Variants in SRBD1 observed in about 807,000 individuals in gnomAD.
SRBD1 encodes S1 RNA-binding domain-containing protein 1.
A neutral mutation model predicts 115.3 loss-of-function variants in SRBD1; 88 were observed. The ratio of observed to expected loss-of-function variants is 0.76; its 90% CI spans 0.64 to 0.91. The LOEUF (loss-of-function observed/expected upper bound fraction) is 0.91, where lower values mean the gene tolerates loss of function less well. Ranked by LOEUF, SRBD1 falls within the 40% of genes least tolerant of loss-of-function variation. The pLI is 0.00. For missense variants in SRBD1, 1,385 were observed against 1,177.4 expected (o/e 1.18, Z -2.58); for synonymous variants, 509 against 407.7 (o/e 1.25, Z -2.99).
chr2:45,591,314 C>G (rs1246643126), intron 4 of SRBD1, among the ~76,000 whole-genome samples: 1 of 152,186 alleles, frequency 6.6e-6, no homozygotes, highest in Non-Finnish European at 1.5e-5. Flanking sequence ...CTTTGACTCC[C>G]TATGATTTCA....
At chr2:45,517,340 T>A (rs1291194999) in intron 14 of SRBD1, among the ~76,000 whole-genome samples, 1 of 152,214 alleles carries the variant, frequency 6.6e-6, no homozygotes, top group African/African-American at 2.4e-5. Flanking sequence ...ATATGTTTAA[T>A]TTCAATTAGA....
At chr2:45,493,712 G>A (rs1670368343) in intron 14 of SRBD1, among the ~76,000 whole-genome samples, 2 of 151,868 alleles carry the variant, frequency 1.3e-5, no homozygotes, top group South Asian at 4.1e-4. Context: ...TACTCAGGAG[G>A]CTGAGGCAGA....
intron 11 of SRBD1, among the ~76,000 whole-genome samples, chr2:45,552,030 T>C (rs1022279519): frequency 5.9e-5 from 9 of 152,156 alleles, no homozygotes; most frequent in African/African-American, 2.2e-4. Context: ...ATTCAAGTTA[T>C]AATAAAAGAT....
In SRBD1 at chr2:45,388,760, A is replaced by G. The variant is rs1367862315; in HGVS notation, c.*550T>C. ...GTTTCGAGCCATTCATTTGATAACTACAAACACGTCAGAATCTGTTTTACT... is the reference window on the plus strand; with the variant it reads ...GTTTCGAGCCATTCATTTGATAACTGCAAACACGTCAGAATCTGTTTTACT... On this transcript the variant is annotated 3_prime_UTR_variant, in exon 21 of 21. Coordinates refer to ENST00000263736, the MANE Select transcript of SRBD1 (RefSeq NM_018079.5). 1.3e-5 allele frequency: 2 copies of G among 153,206 alleles called. No homozygotes were observed. Among genetic ancestry groups the G allele is most frequent in the South Asian group, 2.0e-4 (1 of 4,880 alleles). The allele number at this position is 153,206 out of a possible 1,614,324, so 9.5% of individuals were successfully genotyped here.
chr2:45,404,226 T>C (rs1308140689), intron 19 of SRBD1, among the ~76,000 whole-genome samples: 3 of 152,112 alleles, frequency 2.0e-5, no homozygotes, highest in Admixed American at 6.6e-5. Context: ...AAGATTATAG[T>C]TGAAGATTTT....
intron 14 of SRBD1, among the ~76,000 whole-genome samples, chr2:45,521,500 T>C (rs1171223303): frequency 3.3e-5 from 5 of 151,506 alleles, no homozygotes; most frequent in African/African-American, 1.2e-4. Context: ...AAAGAGAAAA[T>C]AATAAGTGCT....
At chr2:45,539,225 A>C (rs1256594934) in intron 14 of SRBD1, among the ~76,000 whole-genome samples, 3 of 152,064 alleles carry the variant, frequency 2.0e-5, no homozygotes. Context: ...TTGGCAAGAA[A>C]GAAATTTTTT....
intron 14 of SRBD1, among the ~76,000 whole-genome samples, chr2:45,518,406 T>C (rs1671184021): frequency 6.6e-6 from 1 of 152,226 alleles, no homozygotes; most frequent in African/African-American, 2.4e-5. Flanking sequence ...GCAGAATGAA[T>C]GACAGAACCG....
chr2:45,481,784 G>C (rs77996344), intron 15 of SRBD1, among the ~76,000 whole-genome samples: 1 of 152,090 alleles, frequency 6.6e-6, no homozygotes, highest in Admixed American at 6.6e-5. Context: ...CCAATAAAAA[G>C]AAATGAAGTG....
rs201816176 is a variant in SRBD1 at position 45,410,360 on chromosome 2, CA to C, written c.2513+2753del. Among the ~76,000 whole-genome samples, 813 of 152,264 alleles carry C rather than the reference CA, an allele frequency of 5.3e-3. 6 individuals are homozygous for C. Among genetic ancestry groups the C allele is most frequent in the African/African-American group, 0.018 (764 of 41,554 alleles). ...AACTTTCATCTACCTCATGACTTAT[CA>C]ATTCCTCTCGTATGTATTTTTCTAA... On this transcript the variant is annotated intron_variant, in intron 19 of 20. Coordinates refer to ENST00000263736, the MANE Select transcript of SRBD1 (RefSeq NM_018079.5).
At chr2:45,402,131 C>G (rs1033569936) in intron 19 of SRBD1, among the ~76,000 whole-genome samples, 3 of 152,108 alleles carry the variant, frequency 2.0e-5, no homozygotes, top group South Asian at 2.1e-4. Context: ...TTTTAAGGCC[C>G]TCCCCCAATC....
In SRBD1 at chr2:45,545,283, T is replaced by TAAAAAAAAAAAAAAAAAAAAAAAAAAAAA. The variant is rs56909656; in HGVS notation, c.1874+1420_1874+1448dup. On this transcript the variant is annotated intron_variant, in intron 14 of 20. Transcript: ENST00000263736. ...TGACAGAGCGAGACTCTGTCTCAAT[T>TAAAAAAAAAAAAAAAAAAAAAAAAAAAAA]AAAAAAAAAAAAAAAAAAAAAAAAA... Among the ~76,000 whole-genome samples the TAAAAAAAAAAAAAAAAAAAAAAAAAAAAA allele has an allele frequency of 2.9e-5, 2 of 68,588 alleles. 1 individual carries two copies. The highest frequency in any genetic ancestry group is 1.4e-4 in the African/African-American group (2 of 14,768). 45.0% of individuals were successfully genotyped at this position (68,588 alleles called of 152,430 possible). A position where few individuals can be genotyped will look rare whatever the true frequency, so the allele number is the denominator to read the frequency against.
chr2:45,596,846 CA>C (rs1237130073), intron 4 of SRBD1, among the ~76,000 whole-genome samples: 1 of 151,996 alleles, frequency 6.6e-6, no homozygotes, highest in Non-Finnish European at 1.5e-5. Flanking sequence ...TATAAATTTA[CA>C]TTCTAAAGCT....
chr2:45,583,195 T>C (rs1191138069), intron 5 of SRBD1, among the ~76,000 whole-genome samples: 1 of 145,158 alleles, frequency 6.9e-6, no homozygotes, highest in Non-Finnish European at 1.5e-5. Flanking sequence ...GAAAAGAAAA[T>C]TAAATCTACT....
chr2:45,446,709 A>C lies in SRBD1; in HGVS notation c.2050-26815T>G, dbSNP rs556269641. 5.0e-3 allele frequency among the ~76,000 whole-genome samples: 757 copies of C among 151,854 alleles called. 9 individuals carry two copies. Among genetic ancestry groups the C allele is most frequent in the African/African-American group, 0.017 (688 of 41,424 alleles). On this transcript the variant is annotated intron_variant, in intron 16 of 20. Coordinates refer to ENST00000263736, the MANE Select transcript of SRBD1 (RefSeq NM_018079.5). Reference sequence around the variant, plus strand: ...GGCATATCAAGATGGAAAAAAAAAAACCCCACAGAACACCTACAAAAAAAC... The same window carrying C: ...GGCATATCAAGATGGAAAAAAAAAACCCCCACAGAACACCTACAAAAAAAC...
intron 9 of SRBD1, among the ~76,000 whole-genome samples, chr2:45,569,006 G>C (rs968611533): frequency 6.6e-6 from 1 of 152,104 alleles, no homozygotes; most frequent in African/African-American, 2.4e-5. Flanking sequence ...AGATATAATA[G>C]TGAAACATTT....
At chr2:45,594,472 T>C (rs1673830648) in intron 4 of SRBD1, among the ~76,000 whole-genome samples, 1 of 152,220 alleles carries the variant, frequency 6.6e-6, no homozygotes. Context: ...CTTCAAATTC[T>C]TATAGTTCAT....
rs1008843932 is a variant in SRBD1 at position 45,443,281 on chromosome 2, G to C, written c.2050-23387C>G. 2.6e-5 allele frequency among the ~76,000 whole-genome samples: 4 copies of C among 152,154 alleles called. No individual in the cohort carries two copies. The East Asian group carries it at 7.7e-4, about 29-fold the overall frequency. ...AGCTGGAGGAAAAAGAGGGAAAGAA[G>C]CAGATGGAGTTAATAGTAGAGAATG... On this transcript the variant is annotated intron_variant, in intron 16 of 20. Coordinates refer to ENST00000263736, the MANE Select transcript of SRBD1 (RefSeq NM_018079.5).
At chr2:45,601,050 T>G (rs989027158) in intron 3 of SRBD1, among the ~76,000 whole-genome samples, 17 of 152,046 alleles carry the variant, frequency 1.1e-4, no homozygotes, top group Non-Finnish European at 2.1e-4. Context: ...CTCCCAGGCC[T>G]AAAAGAGTTG....
Sources: allele counts gnomAD v4.1 joint callset (sites outside exome capture counted in the v4.1 genomes callset), GRCh38; gene constraint gnomAD v4.1.1; transcripts MANE v1.5; gene names NCBI Gene and HGNC (gene_info 2026-07-23, HGNC 2026-07-21).